Variants in STARD13 observed in about 807,000 individuals in gnomAD.
The protein encoded by STARD13 is stAR-related lipid transfer protein 13.
STARD13 carries 62 observed loss-of-function variants against 106.4 expected under a neutral mutation model. That is an observed-to-expected ratio of 0.58 (90% CI 0.48 to 0.72). The LOEUF (loss-of-function observed/expected upper bound fraction) is 0.72, where lower values mean the gene tolerates loss of function less well. STARD13 is among the 30% of genes least tolerant of loss of function. The probability of loss-of-function intolerance (pLI) is 0.00; values close to 1 mark genes in which losing one functional copy is unlikely to be tolerated. For synonymous variants in STARD13, 565 were observed against 553.0 expected (o/e 1.02, Z -0.31); for missense variants, 1,387 against 1,424.0 (o/e 0.97, Z 0.42).
chr13:33,417,941 T>G, the STARD13 span, among the ~76,000 whole-genome samples: 1 of 152,216 alleles, frequency 6.6e-6, no homozygotes, highest in Non-Finnish European at 1.5e-5. Context: ...TCAATAAGCC[T>G]GTTTAAAAAA....
the STARD13 span, among the ~76,000 whole-genome samples, chr13:33,521,239 A>T: frequency 1.3e-5 from 2 of 152,132 alleles, no homozygotes; most frequent in East Asian, 3.9e-4. Flanking sequence ...TTTATGGCTG[A>T]AATAGGGTTA....
At chr13:33,480,164 T>C in the STARD13 span, among the ~76,000 whole-genome samples, 1 of 152,114 alleles carries the variant, frequency 6.6e-6, no homozygotes, top group Admixed American at 6.5e-5. Flanking sequence ...AAAACAACAA[T>C]AGAAGGATAG....
At chr13:33,139,393 A>G (rs558103693) in intron 4 of STARD13, among the ~76,000 whole-genome samples, 35 of 152,318 alleles carry the variant, frequency 2.3e-4, no homozygotes, top group African/African-American at 7.9e-4. Context: ...CCTGGTGGGG[A>G]GGAAGCCCTG....
rs375618459 is a variant in STARD13 at position 33,122,273 on chromosome 13, T to C, written c.2082+3808A>G. 7.9e-5 allele frequency among the ~76,000 whole-genome samples: 12 copies of C among 152,340 alleles called. No individual in the cohort carries two copies. The East Asian group carries it at 2.3e-3, about 29-fold the overall frequency. ...TTGGGATTTTAAGTGTGAGCCACCA[T>C]ACCTGCCCTGTTGCTCATCCTTCTG... On this transcript the variant is annotated intron_variant, in intron 7 of 13. Transcript: ENST00000336934.
At chr13:33,387,201 T>C in the STARD13 span, among the ~76,000 whole-genome samples, 1 of 152,132 alleles carries the variant, frequency 6.6e-6, no homozygotes, top group African/African-American at 2.4e-5. Context: ...GATTGGATTG[T>C]GCTATATTGC....
the STARD13 span, among the ~76,000 whole-genome samples, chr13:33,538,123 T>TA: frequency 7.3e-5 from 11 of 149,970 alleles, no homozygotes; most frequent in Admixed American, 2.7e-4. Flanking sequence ...TACGAGGATT[T>TA]AAAAAAAAAT....
the STARD13 span, among the ~76,000 whole-genome samples, chr13:33,650,806 T>C: frequency 1.3e-5 from 2 of 152,262 alleles, no homozygotes; most frequent in Non-Finnish European, 2.9e-5. Flanking sequence ...AGTCCTCTTA[T>C]AAAAAGCTTA....
chr13:33,551,178 CAT>C, the STARD13 span, among the ~76,000 whole-genome samples: 12,486 of 152,238 alleles, frequency 0.082, 672 homozygotes, highest in East Asian at 0.29. Context: ...TCTTGCCTGA[CAT>C]GTGCCATTTT....
the STARD13 span, among the ~76,000 whole-genome samples, chr13:33,624,677 T>C: frequency 6.6e-6 from 1 of 152,220 alleles, no homozygotes; most frequent in Non-Finnish European, 1.5e-5. Flanking sequence ...ACAATAGCTA[T>C]TCAACAGTGT....
intron 4 of STARD13, among the ~76,000 whole-genome samples, chr13:33,132,855 T>C (rs796674454): frequency 6.6e-6 from 1 of 152,214 alleles, no homozygotes; most frequent in South Asian, 2.1e-4. Context: ...ACTCAAAATA[T>C]ACTTTCCTAC....
chr13:33,664,341 T>C, the STARD13 span, among the ~76,000 whole-genome samples: 6 of 152,224 alleles, frequency 3.9e-5, no homozygotes, highest in African/African-American at 1.4e-4. Flanking sequence ...GTTGAGTTTT[T>C]GGTGTCACAG....
the STARD13 span, among the ~76,000 whole-genome samples, chr13:33,418,523 C>A: frequency 6.6e-6 from 1 of 152,364 alleles, no homozygotes; most frequent in South Asian, 2.1e-4. Context: ...CATAGCTGAA[C>A]AAAAGGCAGT....
At chr13:33,617,475 T>A in the STARD13 span, among the ~76,000 whole-genome samples, 19 of 152,356 alleles carry the variant, frequency 1.2e-4, no homozygotes, top group Middle Eastern at 3.4e-3. Flanking sequence ...TGTACTACAA[T>A]AAATCCTTCT....
intron 1 of STARD13, among the ~76,000 whole-genome samples, chr13:33,320,115 T>C (rs1432848764): frequency 6.6e-6 from 1 of 152,222 alleles, no homozygotes; most frequent in Non-Finnish European, 1.5e-5. Flanking sequence ...GCAAAGGTGA[T>C]CACAGCCTTT....
intron 4 of STARD13, among the ~76,000 whole-genome samples, chr13:33,133,780 C>T (rs79298227): frequency 0.013 from 1,995 of 152,118 alleles, 30 homozygotes; most frequent in Middle Eastern, 0.034. Flanking sequence ...CACTTGACAA[C>T]CTACCAAGGG....
At chr13:33,587,379 C>A in the STARD13 span, among the ~76,000 whole-genome samples, 3 of 152,138 alleles carry the variant, frequency 2.0e-5, no homozygotes, top group Non-Finnish European at 4.4e-5. Flanking sequence ...TCTATCTCTA[C>A]TCCTAAGATC....
chr13:33,338,825 C>T (rs1304121778), intron 1 of STARD13, among the ~76,000 whole-genome samples: 1 of 142,980 alleles, frequency 7.0e-6, no homozygotes, highest in African/African-American at 2.6e-5. Context: ...GCAGAGCTTG[C>T]AGTGAGCTGA....
intron 1 of STARD13, chr13:33,279,399 G>A (rs567071443): frequency 6.6e-5 from 10 of 152,334 alleles, no homozygotes; most frequent in African/African-American, 2.2e-4. Flanking sequence ...TTAAAGCACT[G>A]ATGATTGGGG....
At chr13:33,267,623 G>A (rs142429908) in intron 1 of STARD13, among the ~76,000 whole-genome samples, 84 of 152,346 alleles carry the variant, frequency 5.5e-4, no homozygotes, top group African/African-American at 1.9e-3. Context: ...GAGTGAGTGA[G>A]TGAATGGAAG....
Sources: gnomAD v4.1 joint callset for allele counts (sites outside exome capture counted in the v4.1 genomes callset) on GRCh38, gnomAD v4.1.1 for gene constraint, MANE v1.5 for transcripts, NCBI Gene and HGNC (gene_info 2026-07-23, HGNC 2026-07-21) for gene names.